Variants in EDRF1 observed in about 807,000 individuals in gnomAD.
EDRF1 encodes erythroid differentiation-related factor 1.
Under a neutral mutation model 148.7 loss-of-function variants are expected in EDRF1, and 69 were observed. That is an observed-to-expected ratio of 0.46 (90% CI 0.38 to 0.57). The LOEUF is 0.57. EDRF1 is among the 20% of genes least tolerant of loss of function. The probability of loss-of-function intolerance (pLI) is 0.00; values close to 1 mark genes in which losing one functional copy is unlikely to be tolerated. For synonymous variants in EDRF1, 515 were observed against 532.8 expected, an observed-to-expected ratio of 0.97 and a Z score of 0.46; for missense variants, 1,118 against 1,478.7, an observed-to-expected ratio of 0.76 and a Z score of 4.00.
In EDRF1 at chr10:125,719,739, G is replaced by GCGGAGCGT. The variant is rs1589809492; in HGVS notation, c.-68_-67insGGAGCGTC. ...GCGGAGCGTCTCTGGCGCTTACCCT[G>GCGGAGCGT]CTTTGGGCCTGCGTTGCTGCTGCTG... On this transcript the variant is annotated 5_prime_UTR_variant, in exon 1 of 25. Transcript: ENST00000356792. 66 of 1,311,934 alleles carry GCGGAGCGT rather than the reference G, an allele frequency of 5.0e-5. 2 individuals are homozygous for GCGGAGCGT. The East Asian group carries it at 1.6e-3, about 32-fold the overall frequency. The allele number at this position is 1,311,934 out of a possible 1,614,324, so 81.3% of individuals were successfully genotyped here.
At chr10:125,721,102 C>T (rs1847975162) in intron 1 of EDRF1, 102 bp from the exon 2 acceptor site, 1 of 1,142,398 alleles carries the variant, frequency 8.8e-7, no homozygotes, top group Non-Finnish European at 1.3e-6. Flanking sequence ...GCATACGTTC[C>T]TTGTGAAGCC....
At chr10:125,742,775 C>G (rs1849100903) in intron 17 of EDRF1, 9 of 984,658 alleles carry the variant, frequency 9.1e-6, no homozygotes, top group Non-Finnish European at 9.6e-6. Context: ...TAGGTCCATT[C>G]TAATAAACAA....
Position 125,735,777 on chromosome 10 carries a change from A to G in EDRF1, c.1631A>G (p.Asp544Gly), listed in dbSNP as rs769888128. The G allele has an allele frequency of 2.5e-6, 4 of 1,613,778 alleles. No individual in the cohort carries two copies. Among genetic ancestry groups the G allele is most frequent in the South Asian group, 1.1e-5 (1 of 91,080 alleles). ...AGTGAAGAGGAGGAAGAGATGCCCG[A>G]CAGTGATGAAAATGGATCCTATAGC... ...SYSEEEEEMPDSDENGSYSTS... is the reference protein window; with the variant it reads ...SYSEEEEEMPGSDENGSYSTS... Residue 544 changes from aspartate to glycine, a missense_variant, in exon 13 of 25, where the codon GAC becomes GGC. Around this residue, in one of 3 missense-constraint regions of EDRF1, gnomAD observed 954 missense variants for 1,241.4 expected, o/e 0.77. Coordinates refer to ENST00000356792, the MANE Select transcript of EDRF1 (RefSeq NM_001202438.2).
chr10:125,760,873 A>T (rs1850161280), intron 24 of EDRF1, among the ~76,000 whole-genome samples: 2 of 152,250 alleles, frequency 1.3e-5, no homozygotes, highest in South Asian at 2.1e-4. Context: ...ACAACTATTT[A>T]TATGGCATTG....
At chr10:125,747,382 C>A in intron 19 of EDRF1, 154 bp from the exon 20 acceptor site, 1 of 862,072 alleles carries the variant, frequency 1.2e-6, no homozygotes, top group Non-Finnish European at 1.8e-6. Context: ...TTTTCATTGA[C>A]TTACTTTTTT....
intron 22 of EDRF1, chr10:125,749,861 C>T (rs1214049037): frequency 7.9e-6 from 3 of 380,722 alleles, no homozygotes; most frequent in Non-Finnish European, 1.5e-5. Flanking sequence ...ATTCAATCGG[C>T]CAGGCACAGT....
chr10:125,762,905 G>A (rs552070418), intron 24 of EDRF1, among the ~76,000 whole-genome samples: 4 of 152,062 alleles, frequency 2.6e-5, no homozygotes, highest in Non-Finnish European at 4.4e-5. Flanking sequence ...CTTCATGGCC[G>A]TCCGTCTGTC....
chr10:125,763,268 C>T lies in EDRF1; in HGVS notation c.3546-33C>T, dbSNP rs373737994. 1.9e-6 allele frequency: 3 copies of T among 1,599,692 alleles called. No homozygotes were observed. In the African/African-American group the frequency reaches 4.0e-5, roughly 21 times the overall value. ...GAATTGTCGGTAGGCATTGCTGGTC[C>T]CTTACCTGTCTCTTTTTCTTTTTTA... On this transcript the variant is annotated intron_variant, in intron 24 of 24. Transcript: ENST00000356792. The surrounding 1 kb of genome is among the most constrained non-coding windows in gnomAD (Gnocchi z 4.3).
At position 125,723,879 on chromosome 10, in the gene EDRF1, A is replaced by T. The variant is rs1342131805; in HGVS notation, c.453A>T (p.Gly151=). 6.2e-7 allele frequency: 1 copy of T among 1,613,658 alleles called. No homozygotes were observed. Among genetic ancestry groups the T allele is most frequent in the Non-Finnish European group, 8.5e-7 (1 of 1,179,748 alleles). Residue 151 remains glycine, a synonymous_variant, in exon 4 of 25, where the codon GGA becomes GGT. Coordinates refer to ENST00000356792, the MANE Select transcript of EDRF1 (RefSeq NM_001202438.2). ...TGAGCATGGCAGTACACCGCATAGG[A>T]AGGACTCTCTTACTAGATGAGCTAG... ...SHVSMAVHRI[G]RTLLLDELDI...
At chr10:125,758,605 C>T (rs996763299) in intron 24 of EDRF1, among the ~76,000 whole-genome samples, 5 of 152,080 alleles carry the variant, frequency 3.3e-5, no homozygotes, top group Admixed American at 6.6e-5. Context: ...TCAAGTTTTC[C>T]TAGCAGTCCT....
chr10:125,745,431 C>T, intron 18 of EDRF1: 1 of 463,548 alleles, frequency 2.2e-6, no homozygotes, highest in Non-Finnish European at 4.0e-6. Flanking sequence ...CCCTTACAAT[C>T]TCATTTAATC....
In EDRF1 at chr10:125,763,500, T is replaced by A; in HGVS notation, c.*28T>A. The A allele has an allele frequency of 6.2e-7, 1 of 1,600,244 alleles. No homozygotes were observed. The highest frequency in any genetic ancestry group is 1.1e-5 in the South Asian group (1 of 90,896). ...GCACAGAGCCGTGTCCCAGACACGC[T>A]GTCAGTGCCTTCAACACGGAGCCGG... is the stretch of plus-strand genomic sequence containing the variant. On this transcript the variant is annotated 3_prime_UTR_variant, in exon 25 of 25. Coordinates refer to ENST00000356792, the MANE Select transcript of EDRF1 (RefSeq NM_001202438.2). This position sits in a 1 kb window ranked among gnomAD's most constrained non-coding sequence, Gnocchi z 4.3.
chr10:125,740,633 T>G lies in EDRF1; in HGVS notation c.2152T>G (p.Leu718Val), dbSNP rs201110158. 6.2e-7 allele frequency: 1 copy of G among 1,613,800 alleles called. No homozygotes were observed. Among genetic ancestry groups the G allele is most frequent in the Non-Finnish European group, 8.5e-7 (1 of 1,180,006 alleles). ...CGGAAGAGCATTACGATACATTAAA[T>G]TAGCTTTGCAAAGCCATGGTAAGCC... ...KYGRALRYIK[L>V]ALQSHDTYCC... Residue 718 changes from leucine (L) to valine (V), a missense_variant, in exon 16 of 25, where the codon TTA becomes GTA. By Grantham distance (32) the Leu-to-Val change is conservative. Coordinates refer to ENST00000356792, the MANE Select transcript of EDRF1 (RefSeq NM_001202438.2).
At chr10:125,734,374 A>G (rs1464390490) in intron 12 of EDRF1, among the ~76,000 whole-genome samples, 191 bp downstream of exon 12, 1 of 152,194 alleles carries the variant, frequency 6.6e-6, no homozygotes, top group African/African-American at 2.4e-5. Context: ...AGTGTAAAAT[A>G]CACACTGAAT....
At chr10:125,741,750 G>A in intron 17 of EDRF1, 1 of 175,070 alleles carries the variant, frequency 5.7e-6, no homozygotes, top group South Asian at 1.3e-4. Context: ...CTGGAGTGCA[G>A]TGGGGCAGTC....
Position 125,745,833 on chromosome 10 carries a change from CG to C in EDRF1, c.2720del (p.Gly907GlufsTer18). ...ATNAALLLCN[T>X]GRLMRICAQA... ...AATGCCGCCCTTTTATTATGTAACA[CG>C]GGAAGGCTCATGCGGATTTGTGCGC... On this transcript the variant is annotated frameshift_variant, in exon 19 of 25. Coordinates refer to ENST00000356792, the MANE Select transcript of EDRF1 (RefSeq NM_001202438.2). LOFTEE classifies it high-confidence loss of function. The C allele has an allele frequency of 6.2e-7, 1 of 1,614,182 alleles. No homozygotes were observed. Among genetic ancestry groups the C allele is most frequent in the Non-Finnish European group, 8.5e-7 (1 of 1,180,028 alleles).
chr10:125,745,193 T>TCTCGGTGGTCGCC, intron 18 of EDRF1: 4 of 171,386 alleles, frequency 2.3e-5, no homozygotes, highest in South Asian at 2.8e-4. Context: ...GCTGCTGTAA[T>TCTCGGTGGTCGCC]GAAATATCAT....
intron 9 of EDRF1, 57 bp downstream of exon 9, chr10:125,730,456 C>G (rs1204699012): frequency 2.1e-6 from 3 of 1,405,940 alleles, no homozygotes; most frequent in Non-Finnish European, 3.0e-6. Context: ...CAGAGAGTTC[C>G]TCACCAAAGT....
intron 15 of EDRF1, among the ~76,000 whole-genome samples, chr10:125,738,784 G>A (rs1305345097): frequency 1.3e-5 from 2 of 152,334 alleles, no homozygotes; most frequent in East Asian, 1.9e-4. Flanking sequence ...GCGAGGGCAA[G>A]TTGCTCCACT....
Sources: allele counts gnomAD v4.1 joint callset (sites outside exome capture counted in the v4.1 genomes callset), GRCh38; gene constraint gnomAD v4.1.1; regional missense constraint gnomAD v4.1.1; non-coding constraint Gnocchi (gnomAD v3.1); transcripts MANE v1.5; gene names NCBI Gene and HGNC (gene_info 2026-07-23, HGNC 2026-07-21).